Variants in HDLBP observed in about 807,000 individuals in gnomAD.
The protein encoded by HDLBP is vigilin.
HDLBP carries 30 observed loss-of-function variants against 137.3 expected under a neutral mutation model. That is an observed-to-expected ratio of 0.22 (90% confidence interval 0.16 to 0.30). The LOEUF (loss-of-function observed/expected upper bound fraction) is 0.30, where lower values mean the gene tolerates loss of function less well. HDLBP is among the 10% of genes least tolerant of loss of function. HDLBP has a pLI of 1.00. For synonymous variants in HDLBP, 606 were observed against 596.0 expected, an observed-to-expected ratio of 1.02 and a Z score of -0.24; for missense variants, 1,119 against 1,667.3, an observed-to-expected ratio of 0.67 and a Z score of 5.73.
chr2:241,315,124 G>A (rs916002457), intron 1 of HDLBP: 1 of 152,096 alleles, frequency 6.6e-6, no homozygotes, highest in African/African-American at 2.4e-5. Flanking sequence ...ACCAGAAGGA[G>A]AAAGCTAGGG....
intron 24 of HDLBP, among the ~76,000 whole-genome samples, chr2:241,232,864 G>GT (rs1043256706): frequency 6.6e-5 from 10 of 150,644 alleles, no homozygotes; most frequent in African/African-American, 2.2e-4. Context: ...ATTAAAAAAT[G>GT]TATGTGGGGA....
intron 2 of HDLBP, 89 bp from the exon 3 acceptor site, chr2:241,266,995 C>CCCAAGAGAG: frequency 1.0e-6 from 1 of 973,608 alleles, no homozygotes. Context: ...CAAAGTTTTA[C>CCCAAGAGAG]TCTCTTTTTT....
At chr2:241,304,335 G>C (rs898456043) in intron 1 of HDLBP, among the ~76,000 whole-genome samples, 1 of 152,240 alleles carries the variant, frequency 6.6e-6, no homozygotes, top group Non-Finnish European at 1.5e-5. Flanking sequence ...GAAGAGGGGA[G>C]TTAGTCCAAG....
intron 1 of HDLBP, among the ~76,000 whole-genome samples, chr2:241,293,934 A>C (rs2075092138): frequency 6.6e-6 from 1 of 151,992 alleles, no homozygotes; most frequent in Non-Finnish European, 1.5e-5. Flanking sequence ...AAAAAAAAAA[A>C]AACAAAAACA....
At chr2:241,313,179 T>C (rs938257594) in intron 1 of HDLBP, among the ~76,000 whole-genome samples, 1 of 152,240 alleles carries the variant, frequency 6.6e-6, no homozygotes, top group Non-Finnish European at 1.5e-5. Flanking sequence ...CACATATTTC[T>C]ATCATTGCAC....
chr2:241,290,049 A>G (rs536529404), intron 1 of HDLBP, among the ~76,000 whole-genome samples: 1 of 152,344 alleles, frequency 6.6e-6, no homozygotes, highest in Admixed American at 6.5e-5. Flanking sequence ...AACACATAGC[A>G]TAAAAGGTAG....
intron 1 of HDLBP, among the ~76,000 whole-genome samples, chr2:241,309,092 C>T (rs559047122): frequency 1.0e-3 from 154 of 152,308 alleles, no homozygotes; most frequent in African/African-American, 3.5e-3. Context: ...CTTGTTTGCT[C>T]ATCTCAAGTT....
At chr2:241,252,204 T>C (rs1211349864) in intron 11 of HDLBP, among the ~76,000 whole-genome samples, 2 of 151,782 alleles carry the variant, frequency 1.3e-5, no homozygotes, top group Non-Finnish European at 2.9e-5. Context: ...TCACTGCCTC[T>C]TCAACAGAAT....
chr2:241,259,275 C>G (rs1376711106), intron 5 of HDLBP, among the ~76,000 whole-genome samples: 1 of 152,158 alleles, frequency 6.6e-6, no homozygotes, highest in Non-Finnish European at 1.5e-5. Flanking sequence ...AAAGGATAAA[C>G]CAGGACCAGG....
At position 241,273,199 on chromosome 2, in the gene HDLBP, A is replaced by C. The variant is rs900127838; in HGVS notation, c.-102-4658T>G. 89 of 985,528 alleles carry C rather than the reference A, an allele frequency of 9.0e-5. No individual in the cohort carries two copies. The African/African-American group carries it at 1.5e-3, about 16-fold the overall frequency. The allele number at this position is 985,528 out of a possible 1,614,324, so 61.0% of individuals were successfully genotyped here. A position where few individuals can be genotyped will look rare whatever the true frequency, so the allele number is the denominator to read the frequency against. On this transcript the variant is annotated intron_variant, in intron 1 of 27. Transcript: ENST00000310931. The stretch of plus-strand genomic sequence containing the variant: ...CTCAAAGGATGCCCACCACATCGTA[A>C]ACGGATGGCCACACTGGCACGAGGT...
At position 241,266,557 on chromosome 2, in the gene HDLBP, T is replaced by C. The variant is rs6759396; in HGVS notation, c.76+237A>G. On this transcript the variant is annotated intron_variant, in intron 3 of 27. Transcript: ENST00000310931. ...ATTACCAATGGTCAAATTCGCTGGC[T>C]TTCCAGAAAGCTGCCCACATGTTAA... is the stretch of plus-strand genomic sequence containing the variant. 257 of 495,124 alleles carry C rather than the reference T, an allele frequency of 5.2e-4. 2 individuals carry two copies. The highest frequency in any genetic ancestry group is 3.9e-3 in the African/African-American group (201 of 51,906). The allele number at this position is 495,124 out of a possible 1,614,324, so 30.7% of individuals were successfully genotyped here.
intron 15 of HDLBP, 25 bp from the exon 16 acceptor site, chr2:241,246,908 G>A (rs370003014): frequency 6.2e-7 from 1 of 1,613,728 alleles, no homozygotes; most frequent in Non-Finnish European, 8.5e-7. Flanking sequence ...ATCACCATGA[G>A]AAGCTGACTA....
intron 1 of HDLBP, among the ~76,000 whole-genome samples, chr2:241,281,146 G>C (rs938150698): frequency 2.6e-5 from 4 of 152,070 alleles, no homozygotes; most frequent in African/African-American, 9.7e-5. Flanking sequence ...ACTTGAGGTC[G>C]AGAGATCGAG....
intron 9 of HDLBP, 109 bp downstream of exon 9, chr2:241,254,942 A>G: frequency 2.4e-6 from 2 of 823,780 alleles, no homozygotes; most frequent in Non-Finnish European, 4.2e-6. Context: ...AGAAAAATAC[A>G]CCAGTTTTCA....
chr2:241,277,717 T>G (rs576422663), intron 1 of HDLBP, among the ~76,000 whole-genome samples: 2 of 152,258 alleles, frequency 1.3e-5, no homozygotes, highest in African/African-American at 2.4e-5. Flanking sequence ...ATCCCAGCAC[T>G]TTGGGAGGCC....
intron 16 of HDLBP, 141 bp downstream of exon 16, chr2:241,246,610 CA>C (rs1235616263): frequency 2.5e-6 from 2 of 799,186 alleles, no homozygotes; most frequent in African/African-American, 3.4e-5. Context: ...ACCAACTCAT[CA>C]GTAGCCTGGA....
chr2:241,305,092 G>A (rs950700587), intron 1 of HDLBP, among the ~76,000 whole-genome samples: 4 of 152,124 alleles, frequency 2.6e-5, no homozygotes, highest in Non-Finnish European at 5.9e-5. Context: ...CTAACTAAAC[G>A]ACTCCTGCAA....
chr2:241,266,709 T>C, intron 3 of HDLBP, 85 bp downstream of exon 3: 2 of 929,860 alleles, frequency 2.2e-6, no homozygotes, highest in Admixed American at 1.8e-5. Flanking sequence ...AAGGTACTTC[T>C]AGAAAGGGCA....
At position 241,272,904 on chromosome 2, in the gene HDLBP, CCCGCCCCGCCGCTGGGGTCCCCG is replaced by C; in HGVS notation, c.-102-4386_-102-4364del. 2 of 588,032 alleles carry C rather than the reference CCCGCCCCGCCGCTGGGGTCCCCG, an allele frequency of 3.4e-6. No individual in the cohort carries two copies. Among genetic ancestry groups the C allele is most frequent in the Non-Finnish European group, 4.3e-6 (2 of 466,858 alleles). 36.4% of individuals were successfully genotyped at this position (588,032 alleles called of 1,614,324 possible). On this transcript the variant is annotated intron_variant, in intron 1 of 27. Coordinates refer to ENST00000310931, the MANE Select transcript of HDLBP (RefSeq NM_005336.6). The surrounding 1 kb of genome is among the most constrained non-coding windows in gnomAD (Gnocchi z 5.6). The stretch of plus-strand genomic sequence containing the variant: ...TCCCGCCTGGACACGTCAGCGCCCG[CCCGCCCCGCCGCTGGGGTCCCCG>C]CCGCCCCGGGCCGCCCAGCACCCGG...
Sources: allele counts gnomAD v4.1 joint callset (sites outside exome capture counted in the v4.1 genomes callset), GRCh38; gene constraint gnomAD v4.1.1; non-coding constraint Gnocchi (gnomAD v3.1); transcripts MANE v1.5; gene names NCBI Gene and HGNC (gene_info 2026-07-23, HGNC 2026-07-21).